The following OR2L13 variants were observed in gnomAD, a reference collection of about 807,000 sequenced individuals.
OR2L13 encodes the protein olfactory receptor family 2 subfamily L member 13.
OR2L13 carries 14 observed loss-of-function variants against 15.3 expected under a neutral mutation model. The ratio of observed to expected loss-of-function variants is 0.91; its 90% confidence interval spans 0.60 to 1.43. OR2L13 has a LOEUF of 1.43. Ranked by LOEUF, OR2L13 falls within the 40% of genes most tolerant of loss-of-function variation. The pLI is 0.00. For synonymous variants in OR2L13, 152 were observed against 142.9 expected (o/e 1.06, Z -0.45); for missense variants, 367 against 387.9 (o/e 0.95, Z 0.45).
the OR2L13 span, among the ~76,000 whole-genome samples, chr1:248,070,330 A>G: frequency 6.6e-6 from 1 of 152,046 alleles, no homozygotes; most frequent in East Asian, 1.9e-4. Context: ...CTCACTCAAA[A>G]CCACTCAACT....
chr1:248,018,876 C>A, the OR2L13 span, among the ~76,000 whole-genome samples: 1 of 152,176 alleles, frequency 6.6e-6, no homozygotes, highest in Non-Finnish European at 1.5e-5. Context: ...ACTCTGGATA[C>A]TTCATGTAGG....
At chr1:248,076,939 T>C in the OR2L13 span, among the ~76,000 whole-genome samples, 1 of 152,232 alleles carries the variant, frequency 6.6e-6, no homozygotes, top group Non-Finnish European at 1.5e-5. Context: ...AAGGGAATGC[T>C]TTCAATTTTG....
the OR2L13 span, among the ~76,000 whole-genome samples, chr1:247,969,727 A>T: frequency 6.6e-6 from 1 of 152,272 alleles, no homozygotes; most frequent in African/African-American, 2.4e-5. Context: ...CCTAAATGTG[A>T]TCCAGTTGGC....
the OR2L13 span, chr1:247,997,025 A>G: frequency 6.6e-6 from 1 of 152,202 alleles, no homozygotes; most frequent in African/African-American, 2.4e-5. Context: ...AGTGGTGTTT[A>G]CAATTGATCA....
At chr1:247,940,629 G>T in the OR2L13 span, among the ~76,000 whole-genome samples, 1 of 152,042 alleles carries the variant, frequency 6.6e-6, no homozygotes, top group Non-Finnish European at 1.5e-5. Flanking sequence ...TGAGCACCTA[G>T]GTTGAATGTA....
At chr1:248,038,609 G>A in the OR2L13 span, 1 of 1,614,150 alleles carries the variant, frequency 6.2e-7, no homozygotes, top group Non-Finnish European at 8.5e-7. Context: ...GGCTGCTCCT[G>A]ACATCAATGG....
the OR2L13 span, among the ~76,000 whole-genome samples, chr1:247,994,795 G>A: frequency 6.6e-6 from 1 of 152,160 alleles, no homozygotes; most frequent in African/African-American, 2.4e-5. Context: ...TGTATAAGTT[G>A]AGTGTGGTAA....
At chr1:247,981,968 A>G in the OR2L13 span, among the ~76,000 whole-genome samples, 1 of 151,924 alleles carries the variant, frequency 6.6e-6, no homozygotes, top group Non-Finnish European at 1.5e-5. Context: ...GGCTCCCGCC[A>G]CCACGCCCGG....
the OR2L13 span, among the ~76,000 whole-genome samples, chr1:247,968,797 A>G: frequency 4.8e-3 from 726 of 152,020 alleles, 9 homozygotes; most frequent in African/African-American, 0.016. Flanking sequence ...TGGTGCTGCA[A>G]TAAACATACG....
the OR2L13 span, among the ~76,000 whole-genome samples, chr1:248,080,486 C>A: frequency 1.3e-5 from 2 of 152,122 alleles, no homozygotes; most frequent in African/African-American, 4.8e-5. Context: ...GTCCATGTGT[C>A]CTCATTCTTC....
chr1:247,951,470 A>T, the OR2L13 span, among the ~76,000 whole-genome samples: 17 of 152,270 alleles, frequency 1.1e-4, no homozygotes, highest in East Asian at 2.5e-3. Context: ...GTAGAAATAA[A>T]TTCTATTGTT....
chr1:247,965,565 C>T, the OR2L13 span: 6 of 1,605,484 alleles, frequency 3.7e-6, no homozygotes, highest in Non-Finnish European at 4.3e-6. Flanking sequence ...ACTTTCTGCT[C>T]AGTCAGCTCT....
the OR2L13 span, among the ~76,000 whole-genome samples, chr1:248,046,218 C>T: frequency 4.0e-3 from 608 of 152,236 alleles, 6 homozygotes; most frequent in South Asian, 0.014. Flanking sequence ...ATTTAATGAG[C>T]ATTTCCAAAT....
the OR2L13 span, among the ~76,000 whole-genome samples, chr1:248,037,655 T>A: frequency 6.6e-6 from 1 of 152,336 alleles, no homozygotes; most frequent in Middle Eastern, 3.4e-3. Flanking sequence ...TGTTGTAAAG[T>A]TCTATAAATA....
chr1:248,033,233 T>C, the OR2L13 span, among the ~76,000 whole-genome samples: 3 of 152,150 alleles, frequency 2.0e-5, no homozygotes, highest in African/African-American at 7.2e-5. Flanking sequence ...AGGTCTTTGA[T>C]TTATTTTGAC....
the OR2L13 span, chr1:247,965,488 GCT>G: frequency 6.2e-7 from 1 of 1,613,528 alleles, no homozygotes; most frequent in Non-Finnish European, 8.5e-7. Flanking sequence ...CTTTACAGTT[GCT>G]CTGACAGGAA....
chr1:248,004,013 G>T, the OR2L13 span: 1 of 1,613,778 alleles, frequency 6.2e-7, no homozygotes, highest in Non-Finnish European at 8.5e-7. Flanking sequence ...GAGGAACAAG[G>T]AGGTGATGGG....
At chr1:248,069,988 A>G in the OR2L13 span, among the ~76,000 whole-genome samples, 1 of 152,000 alleles carries the variant, frequency 6.6e-6, no homozygotes, top group Non-Finnish European at 1.5e-5. Context: ...GTCCTGAGTG[A>G]CCTACAAAGA....
chr1:248,044,875 A>G, the OR2L13 span, among the ~76,000 whole-genome samples: 27 of 151,090 alleles, frequency 1.8e-4, no homozygotes, highest in Non-Finnish European at 3.8e-4. Flanking sequence ...GCTGATTTGA[A>G]GCTCCCTTTC....
Sources: gnomAD v4.1 joint callset for allele counts (sites outside exome capture counted in the v4.1 genomes callset) on GRCh38, gnomAD v4.1.1 for gene constraint, MANE v1.5 for transcripts, NCBI Gene and HGNC (gene_info 2026-07-23, HGNC 2026-07-21) for gene names.